RALYL: variants seen among roughly 807,000 people sequenced by gnomAD.
RALYL encodes the protein RALY RNA binding protein like.
A neutral mutation model predicts 35.1 loss-of-function variants in RALYL; 29 were observed. The ratio of observed to expected loss-of-function variants is 0.83; its 90% CI spans 0.61 to 1.13. The LOEUF is 1.13. Among genes scored for constraint, RALYL ranks in the 50% most tolerant of loss-of-function variants. The pLI, the probability that RALYL is intolerant of heterozygous loss-of-function variation, is 0.00. For missense variants in RALYL, 359 were observed against 360.4 expected, an observed-to-expected ratio of 1.00 and a Z score of 0.03; for synonymous variants, 120 against 127.6, an observed-to-expected ratio of 0.94 and a Z score of 0.40.
chr8:84,332,275 C>G (rs951461029), intron 1 of RALYL, among the ~76,000 whole-genome samples: 4 of 152,056 alleles, frequency 2.6e-5, no homozygotes, highest in African/African-American at 9.7e-5. Context: ...CATTACCTTT[C>G]TTTGTTTTGG....
chr8:84,872,216 G>A (rs1840314443), intron 6 of RALYL, among the ~76,000 whole-genome samples: 1 of 151,980 alleles, frequency 6.6e-6, no homozygotes, highest in African/African-American at 2.4e-5. Context: ...TGATTGTTGT[G>A]GATTCAAAAT....
chr8:84,553,477 C>T (rs2060891607), intron 2 of RALYL, among the ~76,000 whole-genome samples: 1 of 152,114 alleles, frequency 6.6e-6, no homozygotes, highest in Admixed American at 6.5e-5. Flanking sequence ...TTCTTATTGA[C>T]AAGAGTTGAG....
At position 84,654,270 on chromosome 8, in the gene RALYL, CATATATATAT is replaced by C. The variant is rs143309933; in HGVS notation, c.257-120274_257-120265del. On this transcript the variant is annotated intron_variant, in intron 2 of 8. Transcript: ENST00000521268. ...CAACGTATATGTATATCTCATGTTCCATATATATATATATATATATATATATATATATATA... is the reference window on the plus strand; with the variant it reads ...CAACGTATATGTATATCTCATGTTCCATATATATATATATATATATATATA... Among the ~76,000 whole-genome samples the C allele has an allele frequency of 3.7e-3, 165 of 44,528 alleles. 1 individual carries two copies. The highest frequency in any genetic ancestry group is 0.026 in the East Asian group (17 of 660). The allele number at this position is 44,528 out of a possible 152,430, so 29.2% of individuals were successfully genotyped here.
intron 1 of RALYL, among the ~76,000 whole-genome samples, chr8:84,387,821 T>C (rs1271860397): frequency 6.6e-6 from 1 of 150,444 alleles, no homozygotes; most frequent in Non-Finnish European, 1.5e-5. Flanking sequence ...TTTTTTTTGA[T>C]TGTAAGATAG....
At chr8:84,635,901 A>G (rs896115953) in intron 2 of RALYL, among the ~76,000 whole-genome samples, 2 of 151,816 alleles carry the variant, frequency 1.3e-5, no homozygotes, top group Non-Finnish European at 2.9e-5. Context: ...ATGTGAACTT[A>G]CAGTATCTTT....
intron 2 of RALYL, among the ~76,000 whole-genome samples, chr8:84,712,441 ATC>A (rs1272969665): frequency 1.3e-5 from 2 of 149,970 alleles, no homozygotes; most frequent in African/African-American, 5.1e-5. Flanking sequence ...GAAATATATT[ATC>A]TCTCTCTCTT....
At chr8:84,820,282 C>A (rs1394726525) in intron 4 of RALYL, among the ~76,000 whole-genome samples, 2 of 152,108 alleles carry the variant, frequency 1.3e-5, no homozygotes, top group African/African-American at 4.8e-5. Flanking sequence ...GGATTTATGA[C>A]CACTTCATAA....
intron 1 of RALYL, among the ~76,000 whole-genome samples, chr8:84,312,529 T>A (rs934888513): frequency 6.6e-6 from 1 of 152,004 alleles, no homozygotes; most frequent in African/African-American, 2.4e-5. Context: ...ACAGTGGGGG[T>A]ACAGGCATTG....
chr8:84,213,795 C>T (rs77332290), intron 1 of RALYL, among the ~76,000 whole-genome samples: 3,937 of 152,118 alleles, frequency 0.026, 179 homozygotes, highest in African/African-American at 0.087. Context: ...AATATATGTT[C>T]GAATGCTCAA....
chr8:84,716,891 C>T (rs949577189), intron 2 of RALYL, among the ~76,000 whole-genome samples: 1 of 151,880 alleles, frequency 6.6e-6, no homozygotes, highest in Non-Finnish European at 1.5e-5. Flanking sequence ...AAGTTAATAA[C>T]CAAGCACAGG....
chr8:84,685,805 A>G (rs939417697), intron 2 of RALYL, among the ~76,000 whole-genome samples: 1 of 152,222 alleles, frequency 6.6e-6, no homozygotes, highest in Admixed American at 6.5e-5. Flanking sequence ...AAACACATAC[A>G]TGATACAATA....
In RALYL at chr8:84,608,907, C is replaced by T. The variant is rs974847885; in HGVS notation, c.256+79330C>T. Among the ~76,000 whole-genome samples the T allele has an allele frequency of 2.6e-5, 4 of 152,218 alleles. No homozygotes were observed. The East Asian group carries it at 5.8e-4, about 22-fold the overall frequency. Reference sequence around the variant, plus strand: ...TGCTGCATAAGACCAAACCCATCCACTCAAAGAGTGTAACATCTAATAGGC... The same window carrying T: ...TGCTGCATAAGACCAAACCCATCCATTCAAAGAGTGTAACATCTAATAGGC... On this transcript the variant is annotated intron_variant, in intron 2 of 8. Coordinates refer to ENST00000521268, the MANE Select transcript of RALYL (RefSeq NM_173848.7).
At chr8:84,365,752 C>A (rs776271934) in intron 1 of RALYL, among the ~76,000 whole-genome samples, 1 of 152,118 alleles carries the variant, frequency 6.6e-6, no homozygotes, top group Non-Finnish European at 1.5e-5. Flanking sequence ...GGGTTTTACT[C>A]AGAAAATGAA....
chr8:84,822,178 G>A (rs1052667173), intron 4 of RALYL, among the ~76,000 whole-genome samples: 29 of 152,220 alleles, frequency 1.9e-4, no homozygotes, highest in East Asian at 1.3e-3. Flanking sequence ...AGCCCAATTG[G>A]ATACTAAAAG....
intron 1 of RALYL, among the ~76,000 whole-genome samples, chr8:84,323,944 A>G (rs75748201): frequency 0.018 from 2,768 of 152,236 alleles, 37 homozygotes; most frequent in South Asian, 0.03. Context: ...CAGCAGTTAT[A>G]TAATTATCCT....
intron 1 of RALYL, among the ~76,000 whole-genome samples, chr8:84,369,411 AC>A (rs1308588343): frequency 2.0e-5 from 3 of 152,092 alleles, no homozygotes; most frequent in Non-Finnish European, 4.4e-5. Context: ...GTCAATAAAT[AC>A]CTCAGACTGA....
At chr8:84,893,952 A>G (rs1003122202) in intron 8 of RALYL, among the ~76,000 whole-genome samples, 1 of 152,208 alleles carries the variant, frequency 6.6e-6, no homozygotes, top group African/African-American at 2.4e-5. Flanking sequence ...ACTACGTTGT[A>G]ATACATCTTT....
chr8:84,389,944 A>C (rs1860223751), intron 1 of RALYL, among the ~76,000 whole-genome samples: 1 of 151,486 alleles, frequency 6.6e-6, no homozygotes, highest in African/African-American at 2.4e-5. Flanking sequence ...GAATGCTTCC[A>C]GTTTTTGCCC....
chr8:84,402,297 A>T (rs1157940989), intron 1 of RALYL, among the ~76,000 whole-genome samples: 7 of 152,164 alleles, frequency 4.6e-5, no homozygotes. Flanking sequence ...ACCTAACTTT[A>T]CTTATTTGTA....
Sources: gnomAD v4.1 joint callset for allele counts (sites outside exome capture counted in the v4.1 genomes callset) on GRCh38, gnomAD v4.1.1 for gene constraint, MANE v1.5 for transcripts, NCBI Gene and HGNC (gene_info 2026-07-23, HGNC 2026-07-21) for gene names.